TRPM3: variants seen among roughly 807,000 people sequenced by gnomAD.
TRPM3 encodes long transient receptor potential channel 3.
In TRPM3, 77 loss-of-function variants were observed where a neutral mutation model predicts 181.2. The ratio of observed to expected loss-of-function variants is 0.42; its 90% CI spans 0.35 to 0.51. The LOEUF (loss-of-function observed/expected upper bound fraction) is 0.51, where lower values mean the gene tolerates loss of function less well. Among genes scored for constraint, TRPM3 ranks in the 20% least tolerant of loss-of-function variants. The pLI is 0.01. For missense variants in TRPM3, 1,759 were observed against 2,196.7 expected, an observed-to-expected ratio of 0.80 and a Z score of 3.98; for synonymous variants, 745 against 796.4, an observed-to-expected ratio of 0.94 and a Z score of 1.09.
intron 1 of TRPM3, among the ~76,000 whole-genome samples, chr9:71,106,791 A>C (rs1377928076): frequency 2.0e-5 from 3 of 152,164 alleles, no homozygotes; most frequent in Admixed American, 2.0e-4. Context: ...AAAACGTATA[A>C]AACAGGATAA....
At chr9:70,579,423 G>A (rs947946239) in intron 22 of TRPM3, 2 of 152,208 alleles carry the variant, frequency 1.3e-5, no homozygotes, top group East Asian at 1.9e-4. Context: ...TTAACCTCAC[G>A]AGTAGCTGTG....
At chr9:70,793,872 A>G (rs767427379) in intron 6 of TRPM3, among the ~76,000 whole-genome samples, 22 of 152,096 alleles carry the variant, frequency 1.4e-4, no homozygotes, top group Non-Finnish European at 3.2e-4. Context: ...ACACTTTGTT[A>G]TATAATAGAC....
chr9:70,978,979 T>C (rs922647373), intron 1 of TRPM3, among the ~76,000 whole-genome samples: 1 of 152,174 alleles, frequency 6.6e-6, no homozygotes, highest in Non-Finnish European at 1.5e-5. Flanking sequence ...AATCAGAAGA[T>C]TGAGTGTTAC....
intron 1 of TRPM3, among the ~76,000 whole-genome samples, chr9:70,905,146 G>T (rs893456167): frequency 6.6e-6 from 1 of 152,138 alleles, no homozygotes; most frequent in Non-Finnish European, 1.5e-5. Context: ...TGCAATGTGG[G>T]TCATATTCTA....
chr9:70,992,970 C>T (rs1182021204), intron 1 of TRPM3, among the ~76,000 whole-genome samples: 1 of 152,076 alleles, frequency 6.6e-6, no homozygotes, highest in Non-Finnish European at 1.5e-5. Context: ...GATAGGAGAA[C>T]TCTAGGCAGA....
intron 1 of TRPM3, among the ~76,000 whole-genome samples, chr9:70,921,709 C>G (rs1321215545): frequency 6.6e-6 from 1 of 152,142 alleles, no homozygotes; most frequent in African/African-American, 2.4e-5. Context: ...TGCATGTTCT[C>G]TCTCTCTCTG....
intron 1 of TRPM3, among the ~76,000 whole-genome samples, chr9:71,204,455 T>C (rs1374245856): frequency 6.6e-6 from 1 of 152,080 alleles, no homozygotes; most frequent in Non-Finnish European, 1.5e-5. Flanking sequence ...AAAAGACACA[T>C]GAAAAATTGC....
chr9:70,603,986 C>T (rs901270170), intron 19 of TRPM3, among the ~76,000 whole-genome samples: 3 of 152,236 alleles, frequency 2.0e-5, no homozygotes, highest in African/African-American at 7.2e-5. Context: ...CTTCGCTTGT[C>T]AGTGCCCTGG....
intron 1 of TRPM3, among the ~76,000 whole-genome samples, chr9:71,344,450 CA>C (rs56103104): frequency 4.3e-4 from 60 of 140,410 alleles, no homozygotes; most frequent in South Asian, 4.6e-4. Flanking sequence ...GACTCCATCT[CA>C]AAAAAAAAAA....
rs908977217 is a variant in TRPM3 at position 70,846,494 on chromosome 9, T to C, written c.560A>G (p.His187Arg). 3 of 1,614,142 alleles carry C rather than the reference T, an allele frequency of 1.9e-6. No homozygotes were observed. Among genetic ancestry groups the C allele is most frequent in the Non-Finnish European group, 1.7e-6 (2 of 1,180,012 alleles). Residue 187 changes from histidine to arginine, a missense_variant, in exon 4 of 26, where the codon CAT (histidine) becomes CGT (arginine). This residue lies in a region of TRPM3 where 737 missense variants were observed against 957.4 expected (regional missense o/e 0.77). Coordinates refer to ENST00000677713, the MANE Select transcript of TRPM3 (RefSeq NM_001366145.2). ...GAGTTCAAAGTTCTGCAGGCCCCCATGGACAGAGATGAGAAGCTTGGGAAG... is the reference window on the plus strand; with the variant it reads ...GAGTTCAAAGTTCTGCAGGCCCCCACGGACAGAGATGAGAAGCTTGGGAAG... ...LELPKLLISV[H>R]GGLQNFELQP...
intron 1 of TRPM3, among the ~76,000 whole-genome samples, chr9:71,215,047 CAAAAAAAA>C (rs72383590): frequency 1.8e-5 from 2 of 112,564 alleles, no homozygotes; most frequent in Non-Finnish European, 3.7e-5. Flanking sequence ...AAAAAAAAAA[CAAAAAAAA>C]AAAAAAACAA....
intron 25 of TRPM3, among the ~76,000 whole-genome samples, chr9:70,540,247 G>T (rs2042945099): frequency 6.6e-6 from 1 of 152,248 alleles, no homozygotes; most frequent in African/African-American, 2.4e-5. Flanking sequence ...TAGGTATTGG[G>T]TCTCACTAGC....
intron 9 of TRPM3, among the ~76,000 whole-genome samples, chr9:70,679,730 A>T (rs1383733396): frequency 2.6e-5 from 4 of 152,234 alleles, no homozygotes; most frequent in African/African-American, 9.6e-5. Context: ...TAAAGAATAA[A>T]CAAATGTATA....
At chr9:71,339,953 T>C (rs1220449551) in intron 1 of TRPM3, among the ~76,000 whole-genome samples, 1 of 152,112 alleles carries the variant, frequency 6.6e-6, no homozygotes, top group East Asian at 1.9e-4. Context: ...GTATTATAAA[T>C]AAATCTCATG....
At chr9:70,995,515 C>T (rs2097533684) in intron 1 of TRPM3, among the ~76,000 whole-genome samples, 1 of 152,014 alleles carries the variant, frequency 6.6e-6, no homozygotes, top group Non-Finnish European at 1.5e-5. Context: ...ATTTGTCATC[C>T]CTGCACATCT....
At chr9:71,131,295 C>T (rs1427917558) in intron 1 of TRPM3, among the ~76,000 whole-genome samples, 2 of 152,246 alleles carry the variant, frequency 1.3e-5, no homozygotes, top group Non-Finnish European at 2.9e-5. Flanking sequence ...TATATGTGAT[C>T]TCCCTAGAGA....
At chr9:71,387,596 A>C (rs2092955962) in intron 1 of TRPM3, among the ~76,000 whole-genome samples, 1 of 152,178 alleles carries the variant, frequency 6.6e-6, no homozygotes, top group Non-Finnish European at 1.5e-5. Context: ...CAAAGTAGGA[A>C]GAAAAAGGAA....
At chr9:70,816,138 C>A (rs542731021) in intron 6 of TRPM3, among the ~76,000 whole-genome samples, 5 of 152,174 alleles carry the variant, frequency 3.3e-5, no homozygotes, top group Non-Finnish European at 7.3e-5. Context: ...GAGTTGGATT[C>A]TCTGTATCTT....
chr9:71,422,043 T>C (rs1383683322), intron 1 of TRPM3, among the ~76,000 whole-genome samples: 2 of 151,980 alleles, frequency 1.3e-5, no homozygotes, highest in Non-Finnish European at 2.9e-5. Flanking sequence ...CTTTGAGATT[T>C]CCTCTTTCCC....
Sources: gnomAD v4.1 joint callset for allele counts (sites outside exome capture counted in the v4.1 genomes callset) on GRCh38, gnomAD v4.1.1 for gene constraint, gnomAD v4.1.1 regional missense constraint, MANE v1.5 for transcripts, NCBI Gene and HGNC (gene_info 2026-07-23, HGNC 2026-07-21) for gene names.